MAN1C1: variants seen among roughly 807,000 people sequenced by gnomAD.
The protein encoded by MAN1C1 is mannosyl-oligosaccharide 1,2-alpha-mannosidase IC.
Under a neutral mutation model 71.5 loss-of-function variants are expected in MAN1C1, and 49 were observed. That is an observed-to-expected ratio of 0.69 (90% CI 0.54 to 0.87). The LOEUF (loss-of-function observed/expected upper bound fraction) is 0.87, where lower values mean the gene tolerates loss of function less well. Among genes scored for constraint, MAN1C1 ranks in the 40% least tolerant of loss-of-function variants. The probability of loss-of-function intolerance (pLI) is 0.00; values close to 1 mark genes in which losing one functional copy is unlikely to be tolerated. For missense variants in MAN1C1, 743 were observed against 835.0 expected (o/e 0.89, Z 1.36); for synonymous variants, 352 against 343.7 (o/e 1.02, Z -0.27).
At chr1:25,642,657 G>A (rs2045553438) in intron 1 of MAN1C1, among the ~76,000 whole-genome samples, 1 of 152,176 alleles carries the variant, frequency 6.6e-6, no homozygotes, top group Non-Finnish European at 1.5e-5. Context: ...AAATTCTTTG[G>A]CTAATACAGC....
intron 1 of MAN1C1, among the ~76,000 whole-genome samples, chr1:25,666,436 C>T (rs1417199479): frequency 6.6e-6 from 1 of 152,196 alleles, no homozygotes; most frequent in African/African-American, 2.4e-5. Context: ...AACGGTAGCA[C>T]ACATCTTTCT....
chr1:25,734,800 C>T (rs1394132657), intron 2 of MAN1C1, among the ~76,000 whole-genome samples: 1 of 152,230 alleles, frequency 6.6e-6, no homozygotes, highest in African/African-American at 2.4e-5. Context: ...GCCATGAAGA[C>T]ACTCCCTGCC....
chr1:25,644,213 C>T lies in MAN1C1; in HGVS notation c.540+25876C>T, dbSNP rs72873794. On this transcript the variant is annotated intron_variant, in intron 1 of 11. Coordinates refer to ENST00000374332, the MANE Select transcript of MAN1C1 (RefSeq NM_020379.4). ...GAATGGCATTTCAGGAGAATGTGGG[C>T]AATCCTGGGGGTAGTGGGTTTGCAA... 8.8e-3 allele frequency among the ~76,000 whole-genome samples: 1,334 copies of T among 152,128 alleles called. 26 individuals are homozygous for T. Among genetic ancestry groups the T allele is most frequent in the African/African-American group, 0.03 (1,251 of 41,474 alleles).
At chr1:25,623,796 C>G (rs2045252756) in intron 1 of MAN1C1, among the ~76,000 whole-genome samples, 1 of 152,170 alleles carries the variant, frequency 6.6e-6, no homozygotes, top group African/African-American at 2.4e-5. Context: ...GTGTTGGGAG[C>G]TTTAGGCTCT....
At position 25,618,222 on chromosome 1, in the gene MAN1C1, G is replaced by T. The variant is rs1379451913; in HGVS notation, c.425G>T (p.Arg142Leu). The change falls in exon 1 of 12, where the codon CGC becomes CTC. Residue 142 changes from arginine to leucine, a missense_variant. Coordinates refer to ENST00000374332, the MANE Select transcript of MAN1C1 (RefSeq NM_020379.4). ...CCCGGGGACGAGGGCGTCCCTTTCC[G>T]CTTTGACTTCAACGCATTCCGGAGC... ...SRPGDEGVPF[R>L]FDFNAFRSRL... The T allele has an allele frequency of 5.0e-6, 8 of 1,598,908 alleles. No homozygotes were observed. Among genetic ancestry groups the T allele is most frequent in the South Asian group, 1.1e-5 (1 of 88,678 alleles).
At chr1:25,741,678 G>A (rs1263401779) in intron 2 of MAN1C1, among the ~76,000 whole-genome samples, 2 of 152,182 alleles carry the variant, frequency 1.3e-5, no homozygotes, top group Non-Finnish European at 2.9e-5. Flanking sequence ...GTGGACATTG[G>A]GGCTGGGGAA....
Position 25,631,217 on chromosome 1 carries a change from C to T in MAN1C1, c.540+12880C>T, listed in dbSNP as rs2045374988. ...TCCTGAGCTTAGGCAGTCCACCCGC[C>T]TCAGCCTCCCAAAGTGCTAGGATTA... is the stretch of plus-strand genomic sequence containing the variant. On this transcript the variant is annotated intron_variant, in intron 1 of 11. Coordinates refer to ENST00000374332, the MANE Select transcript of MAN1C1 (RefSeq NM_020379.4). This position sits in a 1 kb window ranked among gnomAD's most constrained non-coding sequence, Gnocchi z 4.2. 6.6e-6 allele frequency among the ~76,000 whole-genome samples: 1 copy of T among 152,154 alleles called. No homozygotes were observed. The highest frequency in any genetic ancestry group is 6.5e-5 in the Admixed American group (1 of 15,272).
At chr1:25,645,065 C>T (rs2045594942) in intron 1 of MAN1C1, 1 of 152,342 alleles carries the variant, frequency 6.6e-6, no homozygotes, top group African/African-American at 2.4e-5. Context: ...TGCCTGCTGA[C>T]CCTGGTGAGC....
rs1026973750 is a variant in MAN1C1 at position 25,624,338 on chromosome 1, C to T, written c.540+6001C>T. Among the ~76,000 whole-genome samples, 4 of 152,134 alleles carry T rather than the reference C, an allele frequency of 2.6e-5. No individual in the cohort carries two copies. In the East Asian group the frequency reaches 7.7e-4, roughly 29 times the overall value. On this transcript the variant is annotated intron_variant, in intron 1 of 11. Coordinates refer to ENST00000374332, the MANE Select transcript of MAN1C1 (RefSeq NM_020379.4). ...AGTCAGACCTGCTTTGGTGTCTCCACCCTCAAAGAGAATAGAAGCCACAGA... is the reference window on the plus strand; with the variant it reads ...AGTCAGACCTGCTTTGGTGTCTCCATCCTCAAAGAGAATAGAAGCCACAGA...
At chr1:25,627,601 C>T (rs1410508092) in intron 1 of MAN1C1, among the ~76,000 whole-genome samples, 1 of 152,174 alleles carries the variant, frequency 6.6e-6, no homozygotes, top group Non-Finnish European at 1.5e-5. Flanking sequence ...ATGCTATAGC[C>T]TCATAGTAAG....
chr1:25,765,258 C>G (rs1006254432), intron 7 of MAN1C1, among the ~76,000 whole-genome samples: 1 of 152,066 alleles, frequency 6.6e-6, no homozygotes, highest in Admixed American at 6.6e-5. Flanking sequence ...GTGGACAAGT[C>G]CCCCAGGCCT....
intron 2 of MAN1C1, among the ~76,000 whole-genome samples, chr1:25,721,158 A>G (rs2046760093): frequency 6.6e-6 from 1 of 151,850 alleles, no homozygotes; most frequent in Non-Finnish European, 1.5e-5. Flanking sequence ...ATTTATTTCC[A>G]TATGAATTTT....
At chr1:25,667,484 CAAAAAAAA>C (rs756375842) in intron 1 of MAN1C1, among the ~76,000 whole-genome samples, 2 of 49,306 alleles carry the variant, frequency 4.1e-5, no homozygotes, top group Non-Finnish European at 9.3e-5. Flanking sequence ...GACTCCATCT[CAAAAAAAA>C]AAAAAAAAAA....
intron 2 of MAN1C1, among the ~76,000 whole-genome samples, chr1:25,703,104 G>A (rs1470481707): frequency 1.3e-5 from 2 of 152,218 alleles, no homozygotes; most frequent in African/African-American, 4.8e-5. Flanking sequence ...TCTGTTGATG[G>A]TTCTGATGCA....
intron 1 of MAN1C1, among the ~76,000 whole-genome samples, chr1:25,650,563 C>T (rs1454099736): frequency 6.6e-6 from 1 of 152,216 alleles, no homozygotes; most frequent in Non-Finnish European, 1.5e-5. Flanking sequence ...GTATGGCCTG[C>T]TTGACTCTGT....
chr1:25,767,649 C>CA (rs2047456803), intron 7 of MAN1C1, among the ~76,000 whole-genome samples: 1 of 133,756 alleles, frequency 7.5e-6, no homozygotes, highest in Non-Finnish European at 1.6e-5. Context: ...TACACACTCC[C>CA]CCCACACACA....
chr1:25,684,444 G>A (rs1191637298), intron 1 of MAN1C1, among the ~76,000 whole-genome samples: 24 of 152,348 alleles, frequency 1.6e-4, no homozygotes, highest in Non-Finnish European at 2.9e-5. Flanking sequence ...GCCTGGGGGG[G>A]TGTCAGCTGC....
chr1:25,778,145 T>A lies in MAN1C1; in HGVS notation c.1298T>A (p.Leu433Gln), dbSNP rs568427745. 1.3e-6 allele frequency: 2 copies of A among 1,595,664 alleles called. No individual in the cohort carries two copies. The highest frequency in any genetic ancestry group is 2.2e-5 in the South Asian group (2 of 89,616). Reference protein sequence around the residue: ...TYLLNVSPGGLTYIAEWRGGI... With the variant: ...TYLLNVSPGGQTYIAEWRGGI... ...TTGCTGAATGTCTCTCCCGGGGGGC[T>A]GACCTACATTGCCGAGTGGCGAGGG... The change falls in exon 9 of 12, where the codon CTG (leucine) becomes CAG (glutamine). Residue 433 changes from leucine (L) to glutamine (Q), a missense_variant. Coordinates refer to ENST00000374332, the MANE Select transcript of MAN1C1 (RefSeq NM_020379.4). The surrounding 1 kb of genome is among the most constrained non-coding windows in gnomAD (Gnocchi z 5.5).
intron 1 of MAN1C1, among the ~76,000 whole-genome samples, chr1:25,635,883 A>G (rs568362401): frequency 7.4e-4 from 113 of 152,274 alleles, no homozygotes; most frequent in Non-Finnish European, 1.3e-3. Context: ...CAATATTTCA[A>G]TGTAGGTTCT....
Sources: allele counts gnomAD v4.1 joint callset (sites outside exome capture counted in the v4.1 genomes callset), GRCh38; gene constraint gnomAD v4.1.1; non-coding constraint Gnocchi (gnomAD v3.1); transcripts MANE v1.5; gene names NCBI Gene and HGNC (gene_info 2026-07-23, HGNC 2026-07-21).